Variants in RIF1 observed in about 807,000 individuals in gnomAD.
RIF1 encodes replication timing regulatory factor 1, also known as telomere-associated protein RIF1.
In RIF1, 45 loss-of-function variants were observed where a neutral mutation model predicts 247.1. That is an observed-to-expected ratio of 0.18 (90% CI 0.14 to 0.23). The LOEUF is 0.23. Among genes scored for constraint, RIF1 ranks in the 10% least tolerant of loss-of-function variants. The probability of loss-of-function intolerance (pLI) is 1.00; values close to 1 mark genes in which losing one functional copy is unlikely to be tolerated. For synonymous variants in RIF1, 1,087 were observed against 978.8 expected (o/e 1.11, Z -2.06); for missense variants, 2,967 against 2,862.5 (o/e 1.04, Z -0.83).
downstream of RIF1, chr2:151,512,735 G>A (rs2153272667): frequency 6.2e-7 from 1 of 1,611,166 alleles, no homozygotes; most frequent in Non-Finnish European, 8.5e-7. Flanking sequence ...GTCCTTACCT[G>A]GCTTGAAAGA....
chr2:151,531,189 A>T, the RIF1 span: 1 of 839,306 alleles, frequency 1.2e-6, no homozygotes, highest in African/African-American at 1.7e-5. Flanking sequence ...TCCTGAGTGA[A>T]TATAAAGGAA....
chr2:151,434,063 T>C (rs2152320649), intron 10 of RIF1, among the ~76,000 whole-genome samples: 2 of 151,324 alleles, frequency 1.3e-5, no homozygotes, highest in South Asian at 4.2e-4. Flanking sequence ...TCTCAGCTAC[T>C]CGGGAGGCTG....
the RIF1 span, among the ~76,000 whole-genome samples, chr2:151,518,004 A>T: frequency 2.0e-4 from 30 of 152,230 alleles, no homozygotes; most frequent in Non-Finnish European, 3.7e-4. Flanking sequence ...AATCTACTGT[A>T]GTGTTCCCTA....
rs1434698015 is a variant in RIF1, at chr2:151,478,522, T to C, written c.*3451T>C. On this transcript the variant is annotated 3_prime_UTR_variant, in exon 36 of 36. Transcript: ENST00000444746. ...TTCTAACATTGCCCATGGATTTTTT[T>C]TTTTCTGTACAGCTTGAAGATAAGA... 1 of 152,100 alleles carries C rather than the reference T, an allele frequency of 6.6e-6. No individual in the cohort carries two copies. The highest frequency in any genetic ancestry group is 2.4e-5 in the African/African-American group (1 of 41,440). The allele number at this position is 152,100 out of a possible 1,614,324, so 9.4% of individuals were successfully genotyped here.
intron 19 of RIF1, among the ~76,000 whole-genome samples, 166 bp downstream of exon 19, chr2:151,445,611 A>G (rs1293505075): frequency 6.6e-6 from 1 of 151,832 alleles, no homozygotes; most frequent in Non-Finnish European, 1.5e-5. Flanking sequence ...ACAGTGGTGC[A>G]ATCTCAGCTT....
intron 22 of RIF1, among the ~76,000 whole-genome samples, chr2:151,455,989 G>C (rs961274310): frequency 1.3e-5 from 2 of 152,034 alleles, no homozygotes; most frequent in Admixed American, 6.6e-5. Context: ...CACTATTTCT[G>C]GGTATACACA....
intron 10 of RIF1, chr2:151,497,909 TC>T: frequency 1.4e-6 from 2 of 1,475,330 alleles, no homozygotes; most frequent in Non-Finnish European, 1.8e-6. Context: ...AGCAGGGACT[TC>T]AGCTGCTGAG....
At chr2:151,504,983 A>G (rs2067637047) in intron 12 of RIF1, among the ~76,000 whole-genome samples, 1 of 152,126 alleles carries the variant, frequency 6.6e-6, no homozygotes, top group Non-Finnish European at 1.5e-5. Flanking sequence ...GGAGGGGAGA[A>G]GAGACTTCAC....
intron 24 of RIF1, among the ~76,000 whole-genome samples, chr2:151,458,399 A>AT (rs1695584177): frequency 6.6e-6 from 1 of 151,568 alleles, no homozygotes; most frequent in East Asian, 1.9e-4. Context: ...TGCCTGGCTA[A>AT]TTTTTTGTAT....
At chr2:151,418,197 C>T (rs1687542832) in intron 6 of RIF1, among the ~76,000 whole-genome samples, 1 of 152,080 alleles carries the variant, frequency 6.6e-6, no homozygotes, top group African/African-American at 2.4e-5. Context: ...AATAAATTAA[C>T]CTCTACTTTC....
intron 10 of RIF1, chr2:151,495,430 A>AC (rs1489397024): frequency 7.3e-6 from 1 of 137,350 alleles, no homozygotes; most frequent in Non-Finnish European, 1.6e-5. Flanking sequence ...GGCTTCACAA[A>AC]CCCTGCACGT....
At chr2:151,447,260 A>G (rs1693477924) in intron 20 of RIF1, among the ~76,000 whole-genome samples, 1 of 152,068 alleles carries the variant, frequency 6.6e-6, no homozygotes, top group Admixed American at 6.6e-5. Context: ...TTCCCTCCTC[A>G]TGGAAAGGAC....
the RIF1 span, among the ~76,000 whole-genome samples, chr2:151,523,387 T>C: frequency 0.021 from 3,136 of 152,378 alleles, 109 homozygotes; most frequent in African/African-American, 0.071. Flanking sequence ...TTCCAAAAGA[T>C]TGGAATCCCA....
downstream of RIF1, among the ~76,000 whole-genome samples, chr2:151,508,684 CA>C (rs1199658643): frequency 6.6e-6 from 1 of 152,028 alleles, no homozygotes; most frequent in East Asian, 1.9e-4. Flanking sequence ...CTGCAGAAAG[CA>C]GCCTGACAGG....
the RIF1 span, chr2:151,518,456 G>A: frequency 2.3e-6 from 3 of 1,292,552 alleles, no homozygotes; most frequent in African/African-American, 2.9e-5. Flanking sequence ...GCACATTGAT[G>A]GAGAAGCTGC....
rs1334408736 is a variant in RIF1, at chr2:151,409,962, G to T, written c.-82G>T. 5 of 701,902 alleles carry T rather than the reference G, an allele frequency of 7.1e-6. No homozygotes were observed. Among genetic ancestry groups the T allele is most frequent in the Admixed American group, 4.0e-5 (2 of 49,986 alleles). 43.5% of individuals were successfully genotyped at this position (701,902 alleles called of 1,614,324 possible). A position where few individuals can be genotyped will look rare whatever the true frequency, so the allele number is the denominator to read the frequency against. ...CGCGTGAGTAAACAGCCGGAGCTGGGAAAGTCGAGCTCTGGCAGCGTCTGG... is the reference window on the plus strand; with the variant it reads ...CGCGTGAGTAAACAGCCGGAGCTGGTAAAGTCGAGCTCTGGCAGCGTCTGG... On this transcript the variant is annotated 5_prime_UTR_variant, in exon 1 of 36. Transcript: ENST00000444746.
intron 27 of RIF1, among the ~76,000 whole-genome samples, chr2:151,461,565 T>G (rs1269762624): frequency 6.6e-6 from 1 of 151,916 alleles, no homozygotes. Flanking sequence ...CTAATTTTTT[T>G]GTACTTTTAG....
At position 151,463,737 on chromosome 2, in the gene RIF1, A is replaced by G. The variant is rs1696526574; in HGVS notation, c.4217A>G (p.Gln1406Arg). The change falls in exon 30 of 36, where the codon CAG (glutamine) becomes CGG (arginine). Residue 1406 changes from glutamine to arginine, a missense_variant. Coordinates refer to ENST00000444746, the MANE Select transcript of RIF1 (RefSeq NM_018151.5). Reference protein sequence around the residue: ...DQMVNEDSQVQITPNQKTLRR... With the variant: ...DQMVNEDSQVRITPNQKTLRR... ...ATGGTAAATGAGGATAGTCAGGTTCAGATAACTCCAAATCAGAAAACCCTT... is the reference window on the plus strand; with the variant it reads ...ATGGTAAATGAGGATAGTCAGGTTCGGATAACTCCAAATCAGAAAACCCTT... 6.2e-7 allele frequency: 1 copy of G among 1,614,052 alleles called. No homozygotes were observed. The highest frequency in any genetic ancestry group is 1.6e-4 in the Middle Eastern group (1 of 6,062).
At chr2:151,498,130 T>C in intron 10 of RIF1, 1 of 1,521,396 alleles carries the variant, frequency 6.6e-7, no homozygotes, top group African/African-American at 1.4e-5. Context: ...TGGGAAAGTA[T>C]ATCCTTTTGT....
Sources: gnomAD v4.1 joint callset for allele counts (sites outside exome capture counted in the v4.1 genomes callset) on GRCh38, gnomAD v4.1.1 for gene constraint, MANE v1.5 for transcripts, NCBI Gene and HGNC (gene_info 2026-07-23, HGNC 2026-07-21) for gene names.